Variants in VWA8 observed in about 807,000 individuals in gnomAD.
VWA8 encodes the protein von Willebrand factor A domain-containing protein 8.
Under a neutral mutation model 241.5 loss-of-function variants are expected in VWA8, and 221 were observed. The observed-to-expected ratio is 0.91, with a 90% CI of 0.82 to 1.02. The LOEUF is 1.02. VWA8 is among the 50% of genes least tolerant of loss of function. The pLI, the probability that VWA8 is intolerant of heterozygous loss-of-function variation, is 0.00. For synonymous variants in VWA8, 852 were observed against 827.1 expected (o/e 1.03, Z -0.52); for missense variants, 2,322 against 2,328.7 (o/e 1.00, Z 0.06).
chr13:41,598,611 A>C (rs2044502622), intron 40 of VWA8, among the ~76,000 whole-genome samples: 1 of 152,016 alleles, frequency 6.6e-6, no homozygotes, highest in Non-Finnish European at 1.5e-5. Flanking sequence ...AGGGTGCTTA[A>C]GAGACATTTT....
chr13:41,905,451 T>C (rs1042855053), intron 4 of VWA8, among the ~76,000 whole-genome samples: 17 of 152,116 alleles, frequency 1.1e-4, no homozygotes, highest in Non-Finnish European at 1.3e-4. Context: ...TAAAATTATA[T>C]CTGATAATTC....
At chr13:41,951,766 T>G (rs1013371669) in intron 1 of VWA8, among the ~76,000 whole-genome samples, 1 of 152,230 alleles carries the variant, frequency 6.6e-6, no homozygotes, top group Admixed American at 6.5e-5. Context: ...AGCCAACATT[T>G]GTTGAATGCT....
chr13:41,664,391 G>A (rs1379917894), intron 37 of VWA8, among the ~76,000 whole-genome samples: 7 of 104,436 alleles, frequency 6.7e-5, no homozygotes, highest in African/African-American at 1.7e-4. Context: ...ATGCTTTGAT[G>A]TGTGTGTGTG....
rs568658082 is a variant in VWA8, at chr13:41,664,703, A to G, written c.4611+6243T>C. Reference sequence around the variant, plus strand: ...AATTTCAGTGCCACCCCACATTACAACCTTCAGAACTACACAGTATCTTCA... The same window carrying G: ...AATTTCAGTGCCACCCCACATTACAGCCTTCAGAACTACACAGTATCTTCA... On this transcript the variant is annotated intron_variant, in intron 37 of 44. Transcript: ENST00000379310. 2.0e-5 allele frequency among the ~76,000 whole-genome samples: 3 copies of G among 152,072 alleles called. No individual in the cohort carries two copies. In the South Asian group the frequency reaches 6.2e-4, roughly 32 times the overall value.
chr13:41,725,706 A>T (rs1002236053), intron 24 of VWA8, among the ~76,000 whole-genome samples: 1 of 152,194 alleles, frequency 6.6e-6, no homozygotes, highest in Non-Finnish European at 1.5e-5. Context: ...ACAGGGAGTG[A>T]GTATTCTTAC....
rs373599044 is a variant in VWA8 at position 41,868,411 on chromosome 13, T to C, written c.1147A>G (p.Met383Val). ...GAAGCTTGGGACACATGGTTTTCCA[T>C]CATCTTCTCTACTTTTACAATCTCT... Reference protein sequence around the residue: ...PKEIVKVEKMMENHVSQASVT... With the variant: ...PKEIVKVEKMVENHVSQASVT... The change falls in exon 10 of 45, where the codon ATG becomes GTG. Residue 383 changes from methionine to valine, a missense_variant. Met to Val is a conservative substitution (Grantham distance 21, BLOSUM62 1). Transcript: ENST00000379310. 3 of 1,614,098 alleles carry C rather than the reference T, an allele frequency of 1.9e-6. No individual in the cohort carries two copies. Among genetic ancestry groups the C allele is most frequent in the Non-Finnish European group, 2.5e-6 (3 of 1,179,988 alleles).
intron 18 of VWA8, 100 bp from the exon 19 acceptor site, chr13:41,784,001 G>C (rs1869022771): frequency 1.3e-6 from 1 of 788,850 alleles, no homozygotes; most frequent in Non-Finnish European, 2.1e-6. Flanking sequence ...TAATATCTGT[G>C]GATTTTAATT....
chr13:41,819,395 G>A lies in VWA8; in HGVS notation c.1701-9C>T. 6.3e-7 allele frequency: 1 copy of A among 1,582,766 alleles called. No individual in the cohort carries two copies. Among genetic ancestry groups the A allele is most frequent in the Non-Finnish European group, 8.5e-7 (1 of 1,172,064 alleles). On this transcript the variant is annotated splice_polypyrimidine_tract_variant and intron_variant, in intron 14 of 44. Transcript: ENST00000379310. ...GGATAGGAAAAATGGATCTAAAATA[G>A]GAAAAAAAATGAAAAAAAATAACAT...
chr13:41,960,893 C>T lies in VWA8; in HGVS notation c.123G>A (p.Pro41=). 1 of 1,513,796 alleles carries T rather than the reference C, an allele frequency of 6.6e-7. No homozygotes were observed. The highest frequency in any genetic ancestry group is 8.8e-7 in the Non-Finnish European group (1 of 1,137,352). 93.8% of individuals were successfully genotyped at this position (1,513,796 alleles called of 1,614,324 possible). ...AGCCGGCGTGCAACAGTCTGACCTC[C>T]GGCCGCTGCCTGTCGCCACCCGGCC... ...QRRPGGDRQR[P]EVRLLHAGSG... Residue 41 remains proline (P), a synonymous_variant, in exon 1 of 45, where the codon CCG becomes CCA. Coordinates refer to ENST00000379310, the MANE Select transcript of VWA8 (RefSeq NM_015058.2).
intron 37 of VWA8, among the ~76,000 whole-genome samples, chr13:41,662,383 T>G (rs998777800): frequency 1.6e-4 from 25 of 152,122 alleles, no homozygotes; most frequent in Non-Finnish European, 3.1e-4. Context: ...AATAAAAAAT[T>G]TCATTTTTAG....
intron 37 of VWA8, among the ~76,000 whole-genome samples, chr13:41,664,743 C>T (rs1283795550): frequency 1.3e-5 from 2 of 152,070 alleles, no homozygotes; most frequent in Admixed American, 6.6e-5. Context: ...CTGTTGCTAA[C>T]AAAAGCTTAA....
chr13:41,889,703 T>C (rs1156869917), intron 5 of VWA8, among the ~76,000 whole-genome samples: 1 of 152,142 alleles, frequency 6.6e-6, no homozygotes, highest in Non-Finnish European at 1.5e-5. Flanking sequence ...GACTCGCATA[T>C]CCTGAATTCC....
At chr13:41,619,851 A>T (rs35984869) in intron 37 of VWA8, among the ~76,000 whole-genome samples, 1 of 152,026 alleles carries the variant, frequency 6.6e-6, no homozygotes, top group Non-Finnish European at 1.5e-5. Flanking sequence ...GCTTTTTGAC[A>T]TGCTGCTGGA....
chr13:41,873,755 A>T (rs1873758956), intron 9 of VWA8, among the ~76,000 whole-genome samples: 1 of 152,252 alleles, frequency 6.6e-6, no homozygotes, highest in Admixed American at 6.5e-5. Flanking sequence ...TACCAGAGGT[A>T]CAAGGAGGAA....
At chr13:41,920,739 G>A (rs1876483887) in intron 2 of VWA8, among the ~76,000 whole-genome samples, 1 of 152,218 alleles carries the variant, frequency 6.6e-6, no homozygotes, top group Admixed American at 6.5e-5. Context: ...ACTAAACCAG[G>A]AAGAAGGTGA....
At chr13:41,588,438 A>C (rs75725807) in intron 41 of VWA8, among the ~76,000 whole-genome samples, 5,584 of 152,302 alleles carry the variant, frequency 0.037, 146 homozygotes, top group South Asian at 0.08. Flanking sequence ...AAAAAGAAGA[A>C]GGCTGCGTGC....
intron 2 of VWA8, among the ~76,000 whole-genome samples, chr13:41,938,665 T>A (rs1472870406): frequency 1.4e-5 from 2 of 147,412 alleles, no homozygotes; most frequent in East Asian, 2.0e-4. Flanking sequence ...AAAAAAAAAA[T>A]ACATCTAAAG....
intron 9 of VWA8, among the ~76,000 whole-genome samples, chr13:41,868,882 C>T (rs1460834538): frequency 5.2e-5 from 6 of 115,122 alleles, no homozygotes; most frequent in Non-Finnish European, 1.1e-4. Context: ...GGCAAGACTC[C>T]GTCTCAAAAA....
At chr13:41,716,951 G>A (rs1465256088) in intron 26 of VWA8, among the ~76,000 whole-genome samples, 1 of 151,638 alleles carries the variant, frequency 6.6e-6, no homozygotes, top group Non-Finnish European at 1.5e-5. Context: ...GGCGGTCTAT[G>A]TGATTACCAT....
Sources: gnomAD v4.1 joint callset for allele counts (sites outside exome capture counted in the v4.1 genomes callset) on GRCh38, gnomAD v4.1.1 for gene constraint, MANE v1.5 for transcripts, NCBI Gene and HGNC (gene_info 2026-07-23, HGNC 2026-07-21) for gene names.